PAIP2: variants seen among roughly 807,000 people sequenced by gnomAD.
The protein encoded by PAIP2 is polyadenylate-binding protein-interacting protein 2.
PAIP2 carries 7 observed loss-of-function variants against 14.8 expected under a neutral mutation model. The ratio of observed to expected loss-of-function variants is 0.47; its 90% CI spans 0.27 to 0.89. The LOEUF (loss-of-function observed/expected upper bound fraction) is 0.89. PAIP2 is among the 40% of genes least tolerant of loss of function. The pLI is 0.13. For missense variants in PAIP2, 122 were observed against 154.7 expected (o/e 0.79, Z 1.12); for synonymous variants, 47 against 45.3 (o/e 1.04, Z -0.15).
At chr5:139,368,198 C>T (rs1285498265) in intron 3 of PAIP2, among the ~76,000 whole-genome samples, 2 of 152,038 alleles carry the variant, frequency 1.3e-5, no homozygotes, top group Middle Eastern at 3.4e-3. Flanking sequence ...ATTAGCTGGG[C>T]GTGGCGGTGG....
intron 1 of PAIP2, among the ~76,000 whole-genome samples, chr5:139,350,866 G>C (rs529038884): frequency 2.0e-5 from 3 of 152,098 alleles, no homozygotes; most frequent in African/African-American, 7.2e-5. Flanking sequence ...CAGACAAATG[G>C]GAATTCAATT....
chr5:139,342,183 C>G (rs1031438229), intron 1 of PAIP2, among the ~76,000 whole-genome samples: 2 of 152,046 alleles, frequency 1.3e-5, no homozygotes, highest in Non-Finnish European at 2.9e-5. Context: ...GAGACATGGC[C>G]GTCGCTTTTT....
intron 1 of PAIP2, among the ~76,000 whole-genome samples, chr5:139,347,701 C>T (rs1016259035): frequency 6.6e-5 from 10 of 151,946 alleles, no homozygotes; most frequent in Non-Finnish European, 1.2e-4. Context: ...ATGTAACTAA[C>T]CTGCACATTG....
At chr5:139,357,660 G>A (rs185692328) in intron 1 of PAIP2, among the ~76,000 whole-genome samples, 115 of 152,148 alleles carry the variant, frequency 7.6e-4, no homozygotes, top group Admixed American at 6.6e-3. Flanking sequence ...GTGAAACCCC[G>A]CCTCTACTAA....
At chr5:139,362,883 A>G (rs1757113479) in intron 1 of PAIP2, among the ~76,000 whole-genome samples, 2 of 152,270 alleles carry the variant, frequency 1.3e-5, no homozygotes, top group South Asian at 4.1e-4. Flanking sequence ...AATATAAAAT[A>G]TAAATTGGAT....
chr5:139,364,125 C>T, intron 2 of PAIP2: 1 of 557,002 alleles, frequency 1.8e-6, no homozygotes, highest in Middle Eastern at 4.8e-4. Flanking sequence ...CAGGGTCCCA[C>T]CCTAGAGATG....
chr5:139,361,423 C>G (rs1051410437), intron 1 of PAIP2, among the ~76,000 whole-genome samples: 8 of 152,014 alleles, frequency 5.3e-5, no homozygotes, highest in African/African-American at 1.9e-4. Context: ...CTCAATAAGC[C>G]TTTCTTTGGC....
chr5:139,368,705 C>T (rs996731438), intron 3 of PAIP2, 28 bp from the exon 4 acceptor site: 4 of 1,539,600 alleles, frequency 2.6e-6, no homozygotes, highest in Admixed American at 3.4e-5. Flanking sequence ...TGTTAATGAA[C>T]TTGCTTTTTT....
At chr5:139,348,535 T>A (rs1756627992) in intron 1 of PAIP2, among the ~76,000 whole-genome samples, 1 of 151,006 alleles carries the variant, frequency 6.6e-6, no homozygotes, top group Non-Finnish European at 1.5e-5. Flanking sequence ...TTTTTTGTAT[T>A]TTTAGTAGAG....
At position 139,364,692 on chromosome 5, in the gene PAIP2, C is replaced by T. The variant is rs766463735; in HGVS notation, c.267C>T (p.Asp89=). The T allele has an allele frequency of 6.2e-7, 1 of 1,612,684 alleles. No individual in the cohort carries two copies. The highest frequency in any genetic ancestry group is 8.5e-7 in the Non-Finnish European group (1 of 1,178,770). The part of the protein sequence containing the change: ...DLPQTMDQIQ[D]QFNDLVISDG... ...CACAAACTATGGACCAAATCCAAGA[C>T]CAGTTTAATGACCTTGTTATCAGTG... The change falls in exon 3 of 4, where the codon GAC becomes GAT. Residue 89 remains aspartate (D), a synonymous_variant. Coordinates refer to ENST00000265192, the MANE Select transcript of PAIP2 (RefSeq NM_016480.5).
At chr5:139,343,788 C>T (rs988141900) in intron 1 of PAIP2, among the ~76,000 whole-genome samples, 3 of 143,412 alleles carry the variant, frequency 2.1e-5, no homozygotes, top group African/African-American at 5.3e-5. Context: ...GCGCAATTGG[C>T]TCACTGCAAC....
chr5:139,363,849 G>A lies in PAIP2; in HGVS notation c.65G>A (p.Gly22Asp). ...ATCAATGAAGATGTGATTATTAACG[G>A]TCATTCTCATGAAGATGACAATCCA... ...SIINEDVIINGHSHEDDNPFA... is the reference protein window; with the variant it reads ...SIINEDVIINDHSHEDDNPFA... The change falls in exon 2 of 4, where the codon GGT becomes GAT. Residue 22 changes from glycine (G) to aspartate (D), a missense_variant. Gly to Asp is a moderately conservative substitution (Grantham distance 94). This residue lies in a region of PAIP2 where 42 missense variants were observed against 36.7 expected (regional missense o/e 1.15). Coordinates refer to ENST00000265192, the MANE Select transcript of PAIP2 (RefSeq NM_016480.5). 1 of 1,613,692 alleles carries A rather than the reference G, an allele frequency of 6.2e-7. No individual in the cohort carries two copies. The highest frequency in any genetic ancestry group is 8.5e-7 in the Non-Finnish European group (1 of 1,179,570).
At chr5:139,347,507 C>T (rs1756589433) in intron 1 of PAIP2, among the ~76,000 whole-genome samples, 1 of 152,102 alleles carries the variant, frequency 6.6e-6, no homozygotes, top group African/African-American at 2.4e-5. Flanking sequence ...CTCCTGACCT[C>T]AAATGATCCA....
chr5:139,364,008 C>A, intron 2 of PAIP2, 86 bp downstream of exon 2: 2 of 1,169,518 alleles, frequency 1.7e-6, no homozygotes, highest in Admixed American at 1.9e-5. Context: ...TTTATCTTGT[C>A]CTTTATGTAT....
chr5:139,364,743 G>T lies in PAIP2; in HGVS notation c.318G>T (p.Val106=). The T allele has an allele frequency of 6.3e-7, 1 of 1,588,244 alleles. No individual in the cohort carries two copies. The highest frequency in any genetic ancestry group is 1.8e-5 in the Admixed American group (1 of 56,620). The change falls in exon 3 of 4, where the codon GTG becomes GTT. Residue 106 remains valine (V), a splice_region_variant and synonymous_variant. Transcript: ENST00000265192. ...ATGGCTCTTCTCTGGAAGATCTTGTGGTAAAAAGTTATTTTTCATCTTTTT... is the reference window on the plus strand; with the variant it reads ...ATGGCTCTTCTCTGGAAGATCTTGTTGTAAAAAGTTATTTTTCATCTTTTT... ...ISDGSSLEDL[V]VKSNLNPNAK...
chr5:139,362,473 C>T (rs1757098146), intron 1 of PAIP2, among the ~76,000 whole-genome samples: 1 of 146,712 alleles, frequency 6.8e-6, no homozygotes, highest in Non-Finnish European at 1.5e-5. Context: ...TGCAACGGCG[C>T]AATCTTGGCT....
At chr5:139,359,065 C>T (rs950387342) in intron 1 of PAIP2, among the ~76,000 whole-genome samples, 2 of 152,142 alleles carry the variant, frequency 1.3e-5, no homozygotes, top group Non-Finnish European at 2.9e-5. Context: ...CAGCCTTGAC[C>T]TCGGGCTAAT....
intron 3 of PAIP2, among the ~76,000 whole-genome samples, chr5:139,368,236 G>A (rs1451224013): frequency 2.6e-5 from 4 of 152,214 alleles, no homozygotes; most frequent in African/African-American, 4.8e-5. Context: ...TACTCAGGAG[G>A]ATGAGAGACA....
At chr5:139,359,295 C>G (rs576283915) in intron 1 of PAIP2, among the ~76,000 whole-genome samples, 8 of 152,096 alleles carry the variant, frequency 5.3e-5, no homozygotes, top group Non-Finnish European at 8.8e-5. Context: ...CGCCATCACA[C>G]CCGGCTAATT....
Sources: allele counts gnomAD v4.1 joint callset (sites outside exome capture counted in the v4.1 genomes callset), GRCh38; gene constraint gnomAD v4.1.1; regional missense constraint gnomAD v4.1.1; transcripts MANE v1.5; gene names NCBI Gene and HGNC (gene_info 2026-07-23, HGNC 2026-07-21).